MAPKAP1: variants seen among roughly 807,000 people sequenced by gnomAD.
The protein encoded by MAPKAP1 is MAPK associated protein 1.
A neutral mutation model predicts 65.7 loss-of-function variants in MAPKAP1; 20 were observed. That is an observed-to-expected ratio of 0.30 (90% CI 0.21 to 0.44). MAPKAP1 has a LOEUF of 0.44. Among genes scored for constraint, MAPKAP1 ranks in the 20% least tolerant of loss-of-function variants. The pLI is 1.00. For missense variants in MAPKAP1, 423 were observed against 648.0 expected (o/e 0.65, Z 3.77); for synonymous variants, 222 against 244.3 (o/e 0.91, Z 0.85).
chr9:125,650,464 C>G (rs1057377495), intron 4 of MAPKAP1: 3 of 152,330 alleles, frequency 2.0e-5, no homozygotes, highest in Non-Finnish European at 4.4e-5. Flanking sequence ...CCAAATTCCC[C>G]TTGCCTCAGA....
chr9:125,464,204 T>TTAAAAAAAAAAAAAAAAAAAAAAA lies in MAPKAP1; in HGVS notation c.1345+3767_1345+3768insTTTTTTTTTTTTTTTTTTTTTTTA. ...CACAGTGAGACCCTGTCTCATATATTAAAAAAAAAAAAAAAAAAAAAAAAA... is the reference window on the plus strand; with the variant it reads ...CACAGTGAGACCCTGTCTCATATATTTAAAAAAAAAAAAAAAAAAAAAAAAAAAAAAAAAAAAAAAAAAAAAAAA... On this transcript the variant is annotated intron_variant, in intron 10 of 11. Transcript: ENST00000265960. 2.4e-5 allele frequency among the ~76,000 whole-genome samples: 2 copies of TTAAAAAAAAAAAAAAAAAAAAAAA among 83,300 alleles called. 1 individual carries two copies. The highest frequency in any genetic ancestry group is 4.6e-5 in the Non-Finnish European group (2 of 43,254). 54.6% of individuals were successfully genotyped at this position (83,300 alleles called of 152,430 possible). A position where few individuals can be genotyped will look rare whatever the true frequency, so the allele number is the denominator to read the frequency against.
At chr9:125,540,461 C>G (rs1009265695) in intron 7 of MAPKAP1, among the ~76,000 whole-genome samples, 1 of 152,212 alleles carries the variant, frequency 6.6e-6, no homozygotes, top group Admixed American at 6.5e-5. Context: ...CACAACTAAC[C>G]TCTGTGATAA....
At chr9:125,664,028 C>T (rs1166252199) in intron 3 of MAPKAP1, among the ~76,000 whole-genome samples, 2 of 152,054 alleles carry the variant, frequency 1.3e-5, no homozygotes, top group Admixed American at 6.6e-5. Context: ...TAGGGAGCAG[C>T]GGGATACAAA....
intron 5 of MAPKAP1, 139 bp downstream of exon 5, chr9:125,585,416 C>T: frequency 1.2e-6 from 1 of 829,660 alleles, no homozygotes; most frequent in South Asian, 1.8e-5. Context: ...AGGCGCGAGA[C>T]CTGGTGAGCA....
chr9:125,515,007 C>A (rs985866733), intron 7 of MAPKAP1, among the ~76,000 whole-genome samples: 2 of 152,032 alleles, frequency 1.3e-5, no homozygotes, highest in African/African-American at 4.8e-5. Context: ...TCTGCTTGAT[C>A]TTAATATAAG....
chr9:125,604,745 T>A (rs905277693), intron 4 of MAPKAP1, among the ~76,000 whole-genome samples: 3 of 152,258 alleles, frequency 2.0e-5, no homozygotes, highest in African/African-American at 7.2e-5. Flanking sequence ...GTACTCGTGC[T>A]TGTGTGTACT....
intron 10 of MAPKAP1, among the ~76,000 whole-genome samples, chr9:125,459,438 C>T (rs1314957542): frequency 4.0e-5 from 6 of 151,792 alleles, no homozygotes; most frequent in Non-Finnish European, 5.9e-5. Context: ...GCTGCAATCT[C>T]GGCACTTTGG....
At chr9:125,561,206 G>T (rs542188099) in intron 5 of MAPKAP1, among the ~76,000 whole-genome samples, 2 of 152,084 alleles carry the variant, frequency 1.3e-5, no homozygotes, top group Non-Finnish European at 2.9e-5. Flanking sequence ...TTATTGACTG[G>T]ATGTGACAAT....
intron 4 of MAPKAP1, among the ~76,000 whole-genome samples, chr9:125,626,423 T>C (rs904414735): frequency 9.2e-5 from 14 of 152,262 alleles, no homozygotes; most frequent in African/African-American, 2.9e-4. Context: ...GCTTGTCTCC[T>C]ATGCAGATCC....
chr9:125,625,226 G>T (rs1399022128), intron 4 of MAPKAP1, among the ~76,000 whole-genome samples: 3 of 24,352 alleles, frequency 1.2e-4, no homozygotes, highest in African/African-American at 3.0e-4. Flanking sequence ...AAACACCCAA[G>T]AATTATCAAT....
At chr9:125,496,835 T>C (rs1294150517) in intron 8 of MAPKAP1, among the ~76,000 whole-genome samples, 1 of 152,142 alleles carries the variant, frequency 6.6e-6, no homozygotes, top group African/African-American at 2.4e-5. Flanking sequence ...CATCTTGTAC[T>C]TGGTCCAGTG....
intron 1 of MAPKAP1, among the ~76,000 whole-genome samples, chr9:125,697,754 T>C (rs1333510701): frequency 6.6e-6 from 1 of 152,202 alleles, no homozygotes; most frequent in African/African-American, 2.4e-5. Context: ...AGCTTGTTAA[T>C]AAATACTGCC....
intron 8 of MAPKAP1, among the ~76,000 whole-genome samples, chr9:125,495,518 A>G (rs1854912005): frequency 6.6e-6 from 1 of 152,206 alleles, no homozygotes; most frequent in Non-Finnish European, 1.5e-5. Flanking sequence ...CAGAGTCCCC[A>G]ATTACATTTT....
rs1022234515 is a variant in MAPKAP1, at chr9:125,637,542, C to T, written c.498+20109G>A. Among the ~76,000 whole-genome samples, 10 of 152,174 alleles carry T rather than the reference C, an allele frequency of 6.6e-5. No homozygotes were observed. In the East Asian group the frequency reaches 9.7e-4, roughly 15 times the overall value. ...ACAGAAGATTTGGAATCAGACTGAC[C>T]CAGATTTAAGTACTGTGTAAACTTG... On this transcript the variant is annotated intron_variant, in intron 4 of 11. Coordinates refer to ENST00000265960, the MANE Select transcript of MAPKAP1 (RefSeq NM_001006617.3).
At chr9:125,578,191 G>A (rs1831506441) in intron 5 of MAPKAP1, among the ~76,000 whole-genome samples, 1 of 152,104 alleles carries the variant, frequency 6.6e-6, no homozygotes, top group South Asian at 2.1e-4. Flanking sequence ...ATGGATTAAG[G>A]GCGTGCAAGA....
intron 4 of MAPKAP1, among the ~76,000 whole-genome samples, chr9:125,613,843 G>C (rs889860944): frequency 1.3e-5 from 2 of 150,892 alleles, no homozygotes; most frequent in Non-Finnish European, 2.9e-5. Flanking sequence ...TGTCACCCAA[G>C]CTGGAGTGCA....
chr9:125,698,175 G>GTATA (rs1193827401), intron 1 of MAPKAP1, among the ~76,000 whole-genome samples: 1 of 144,742 alleles, frequency 6.9e-6, no homozygotes, highest in Admixed American at 7.1e-5. Flanking sequence ...TATACAAAAA[G>GTATA]TATATATATA....
chr9:125,696,680 T>A (rs533490850), intron 1 of MAPKAP1, among the ~76,000 whole-genome samples: 1 of 152,156 alleles, frequency 6.6e-6, no homozygotes, highest in Non-Finnish European at 1.5e-5. Context: ...CTGAGGACTT[T>A]CCAATGGTAG....
chr9:125,552,612 G>A (rs1232559427), intron 6 of MAPKAP1, among the ~76,000 whole-genome samples: 1 of 152,080 alleles, frequency 6.6e-6, no homozygotes, highest in East Asian at 1.9e-4. Context: ...TCTCACCTTA[G>A]TGTAAATTAT....
Sources: allele counts gnomAD v4.1 joint callset (sites outside exome capture counted in the v4.1 genomes callset), GRCh38; gene constraint gnomAD v4.1.1; transcripts MANE v1.5; gene names NCBI Gene and HGNC (gene_info 2026-07-23, HGNC 2026-07-21).